The following MYO5B variants were observed in gnomAD, a reference collection of about 807,000 sequenced individuals.
MYO5B encodes the protein unconventional myosin-Vb.
A neutral mutation model predicts 229.3 loss-of-function variants in MYO5B; 143 were observed. The observed-to-expected ratio is 0.62, with a 90% CI of 0.54 to 0.72. The LOEUF (loss-of-function observed/expected upper bound fraction) is 0.72. Ranked by LOEUF, MYO5B falls within the 30% of genes least tolerant of loss-of-function variation. The pLI, the probability that MYO5B is intolerant of heterozygous loss-of-function variation, is 0.00. For synonymous variants in MYO5B, 918 were observed against 885.2 expected, an observed-to-expected ratio of 1.04 and a Z score of -0.66; for missense variants, 2,321 against 2,331.0, an observed-to-expected ratio of 1.00 and a Z score of 0.09.
At chr18:50,069,377 C>T (rs2030898667) in intron 1 of MYO5B, among the ~76,000 whole-genome samples, 3 of 152,106 alleles carry the variant, frequency 2.0e-5, no homozygotes, top group South Asian at 4.1e-4. Flanking sequence ...CCACCACTCA[C>T]GGCAGGGACG....
intron 1 of MYO5B, among the ~76,000 whole-genome samples, chr18:50,122,327 C>T (rs1047861582): frequency 6.7e-6 from 1 of 149,834 alleles, no homozygotes; most frequent in Non-Finnish European, 1.5e-5. Context: ...CCTGGCCAGG[C>T]GTGGTGGCTC....
In MYO5B at chr18:49,880,442, A is replaced by G; in HGVS notation, c.3059T>C (p.Leu1020Pro). The G allele has an allele frequency of 6.2e-7, 1 of 1,614,068 alleles. No homozygotes were observed. Among genetic ancestry groups the G allele is most frequent in the Non-Finnish European group, 8.5e-7 (1 of 1,179,918 alleles). ...KDELRKRVADLEQENALLKDE... is the reference protein window; with the variant it reads ...KDELRKRVADPEQENALLKDE... ...TTTCAAGAGAGCATTTTCTTGCTCC[A>G]GGTCTGCAACTCGCTGGAAGAGAGC... The change falls in exon 23 of 40, where the codon CTG becomes CCG. Residue 1020 changes from leucine to proline, a missense_variant. By Grantham distance (98) the Leu-to-Pro change is moderately conservative. Around this residue, in one of 2 missense-constraint regions of MYO5B, gnomAD observed 2,113 missense variants for 2,044.7 expected, o/e 1.03. Coordinates refer to ENST00000285039, the MANE Select transcript of MYO5B (RefSeq NM_001080467.3).
chr18:50,019,269 C>T (rs1378559091), intron 4 of MYO5B, among the ~76,000 whole-genome samples: 3 of 152,162 alleles, frequency 2.0e-5, no homozygotes, highest in African/African-American at 7.2e-5. Flanking sequence ...ATTTTCCTTG[C>T]AGTTTTTATG....
At chr18:50,042,963 T>C (rs2030065618) in intron 2 of MYO5B, among the ~76,000 whole-genome samples, 1 of 152,116 alleles carries the variant, frequency 6.6e-6, no homozygotes, top group Admixed American at 6.6e-5. Flanking sequence ...CTCAGATGAA[T>C]CTCTTCAACT....
intron 39 of MYO5B, among the ~76,000 whole-genome samples, chr18:49,829,399 C>G (rs1332323354): frequency 6.6e-6 from 1 of 152,122 alleles, no homozygotes; most frequent in Non-Finnish European, 1.5e-5. Flanking sequence ...ACTACCAAAA[C>G]TGATTTAAGA....
At chr18:50,188,436 G>A (rs2033179055) in intron 1 of MYO5B, among the ~76,000 whole-genome samples, 1 of 152,100 alleles carries the variant, frequency 6.6e-6, no homozygotes, top group Non-Finnish European at 1.5e-5. Flanking sequence ...TGTACTTTGT[G>A]TATTTAGCTT....
At chr18:49,922,881 C>G (rs1293221767) in intron 17 of MYO5B, among the ~76,000 whole-genome samples, 7 of 152,104 alleles carry the variant, frequency 4.6e-5, no homozygotes, top group Admixed American at 4.6e-4. Context: ...CTTAAGAGGC[C>G]AGGGGTTGTG....
At chr18:50,142,347 A>G (rs918189634) in intron 1 of MYO5B, among the ~76,000 whole-genome samples, 26 of 152,222 alleles carry the variant, frequency 1.7e-4, no homozygotes, top group African/African-American at 6.0e-4. Context: ...TCCTTAATCA[A>G]ACCGAATCCC....
intron 4 of MYO5B, among the ~76,000 whole-genome samples, chr18:50,010,299 C>T (rs552271952): frequency 6.6e-6 from 1 of 152,270 alleles, no homozygotes; most frequent in South Asian, 2.1e-4. Flanking sequence ...TGAATCTGTC[C>T]CTTCCTCTTG....
At chr18:49,926,229 T>C (rs752869439) in intron 17 of MYO5B, among the ~76,000 whole-genome samples, 1 of 152,174 alleles carries the variant, frequency 6.6e-6, no homozygotes, top group Non-Finnish European at 1.5e-5. Flanking sequence ...ACTTTCCAGG[T>C]CAAATGTAAA....
At chr18:50,143,693 A>G (rs923788547) in intron 1 of MYO5B, among the ~76,000 whole-genome samples, 1 of 152,228 alleles carries the variant, frequency 6.6e-6, no homozygotes, top group Non-Finnish European at 1.5e-5. Context: ...GCATTTGTTA[A>G]GGAAAAAAAT....
At chr18:50,013,413 A>G (rs1294690591) in intron 4 of MYO5B, among the ~76,000 whole-genome samples, 1 of 152,218 alleles carries the variant, frequency 6.6e-6, no homozygotes, top group Non-Finnish European at 1.5e-5. Context: ...CTGAGATTTT[A>G]AGATGACAAA....
At chr18:50,010,212 G>A (rs1436961454) in intron 4 of MYO5B, among the ~76,000 whole-genome samples, 1 of 152,214 alleles carries the variant, frequency 6.6e-6, no homozygotes, top group East Asian at 1.9e-4. Flanking sequence ...TCCCACTTCA[G>A]TTAAACAGTG....
chr18:49,842,698 G>A (rs975952263), intron 34 of MYO5B, among the ~76,000 whole-genome samples: 1 of 152,210 alleles, frequency 6.6e-6, no homozygotes, highest in African/African-American at 2.4e-5. Context: ...GAAGAGCCTT[G>A]TGCCTTCAGG....
chr18:49,883,471 T>C (rs2024610480), intron 22 of MYO5B, among the ~76,000 whole-genome samples: 1 of 152,140 alleles, frequency 6.6e-6, no homozygotes, highest in African/African-American at 2.4e-5. Context: ...AAAAACATTA[T>C]TGAAAGAAAT....
intron 4 of MYO5B, among the ~76,000 whole-genome samples, chr18:50,033,633 C>T (rs560424027): frequency 4.6e-5 from 7 of 152,238 alleles, no homozygotes; most frequent in African/African-American, 1.4e-4. Context: ...GTGAGTGGGC[C>T]TTCTGGGTCT....
At chr18:50,194,667 TC>T in intron 1 of MYO5B, 99 bp downstream of exon 1, 1 of 822,258 alleles carries the variant, frequency 1.2e-6, no homozygotes, top group Admixed American at 2.4e-5. Context: ...TCCCGTCACC[TC>T]CCGCCTCCAG....
intron 28 of MYO5B, 92 bp downstream of exon 28, chr18:49,864,049 A>C (rs888736421): frequency 1.3e-6 from 2 of 1,565,128 alleles, no homozygotes; most frequent in Non-Finnish European, 1.7e-6. Context: ...TTCAGGTTTT[A>C]GACCCTCGTG....
intron 1 of MYO5B, among the ~76,000 whole-genome samples, chr18:50,139,399 G>A (rs1168100226): frequency 1.3e-5 from 2 of 152,162 alleles, no homozygotes; most frequent in South Asian, 2.1e-4. Context: ...GAACGAACAG[G>A]GTGCTTCCCA....
Sources: allele counts gnomAD v4.1 joint callset (sites outside exome capture counted in the v4.1 genomes callset), GRCh38; gene constraint gnomAD v4.1.1; regional missense constraint gnomAD v4.1.1; transcripts MANE v1.5; gene names NCBI Gene and HGNC (gene_info 2026-07-23, HGNC 2026-07-21).